GMDS: variants seen among roughly 807,000 people sequenced by gnomAD.
GMDS encodes the protein GDP-mannose 4,6-dehydratase.
A neutral mutation model predicts 49.9 loss-of-function variants in GMDS; 20 were observed. That is an observed-to-expected ratio of 0.40 (90% CI 0.28 to 0.58). GMDS has a LOEUF of 0.58. Among genes scored for constraint, GMDS ranks in the 20% least tolerant of loss-of-function variants. The probability of loss-of-function intolerance (pLI) is 0.42; values close to 1 mark genes in which losing one functional copy is unlikely to be tolerated. For missense variants in GMDS, 362 were observed against 481.4 expected, an observed-to-expected ratio of 0.75 and a Z score of 2.32; for synonymous variants, 177 against 178.6, an observed-to-expected ratio of 0.99 and a Z score of 0.07.
chr6:1,904,472 C>A (rs1760656163), intron 7 of GMDS, among the ~76,000 whole-genome samples: 3 of 152,178 alleles, frequency 2.0e-5, no homozygotes, highest in Admixed American at 6.5e-5. Context: ...TTCCTTTTTG[C>A]AGGCAGACAG....
intron 4 of GMDS, among the ~76,000 whole-genome samples, chr6:1,972,452 A>AG (rs1764677407): frequency 6.6e-6 from 1 of 152,168 alleles, no homozygotes; most frequent in Non-Finnish European, 1.5e-5. Flanking sequence ...TCTTTTCTAG[A>AG]GAAAAACTCA....
In GMDS at chr6:1,960,986, A is replaced by G. The variant is rs758026834; in HGVS notation, c.346-20T>C. On this transcript the variant is annotated intron_variant, in intron 4 of 10. Transcript: ENST00000380815. ...GGAAATCTGGAAAAAGCAGGCGGAG[A>G]CAGGGCTGCATTAATAGCTTCATAG... The G allele has an allele frequency of 6.7e-7, 1 of 1,496,962 alleles. No individual in the cohort carries two copies. Among genetic ancestry groups the G allele is most frequent in the Non-Finnish European group, 9.1e-7 (1 of 1,097,564 alleles). 92.7% of individuals were successfully genotyped at this position (1,496,962 alleles called of 1,614,324 possible).
intron 8 of GMDS, among the ~76,000 whole-genome samples, chr6:1,732,904 G>A (rs961807658): frequency 1.3e-5 from 2 of 152,202 alleles, no homozygotes; most frequent in African/African-American, 2.4e-5. Flanking sequence ...ACAAATGTGA[G>A]CTTTGTAAGT....
At chr6:2,163,399 CCAA>C in intron 1 of GMDS, among the ~76,000 whole-genome samples, 1 of 150,788 alleles carries the variant, frequency 6.6e-6, no homozygotes, top group South Asian at 2.1e-4. Flanking sequence ...GAAAACTGGA[CCAA>C]CAACATGTGT....
chr6:1,845,645 C>T (rs1007625242), intron 7 of GMDS, among the ~76,000 whole-genome samples: 7 of 152,136 alleles, frequency 4.6e-5, no homozygotes, highest in African/African-American at 1.7e-4. Context: ...ACAATTTTTC[C>T]ACGGACTGGG....
intron 1 of GMDS, among the ~76,000 whole-genome samples, chr6:2,189,616 C>A (rs1778927920): frequency 6.6e-6 from 1 of 152,184 alleles, no homozygotes; most frequent in East Asian, 1.9e-4. Flanking sequence ...ACTTCATAAT[C>A]TCCTGCCTTC....
intron 4 of GMDS, among the ~76,000 whole-genome samples, chr6:2,078,027 G>A (rs1341434605): frequency 6.6e-6 from 1 of 152,054 alleles, no homozygotes; most frequent in African/African-American, 2.4e-5. Flanking sequence ...TAGGTGTCCA[G>A]GAAATTATCC....
At chr6:1,805,702 TA>T (rs1770147473) in intron 7 of GMDS, among the ~76,000 whole-genome samples, 1 of 152,242 alleles carries the variant, frequency 6.6e-6, no homozygotes, top group South Asian at 2.1e-4. Flanking sequence ...AAAATACAGT[TA>T]TTTTTCATAA....
intron 4 of GMDS, among the ~76,000 whole-genome samples, chr6:2,099,990 T>A (rs78604203): frequency 0.019 from 2,902 of 152,082 alleles, 109 homozygotes; most frequent in African/African-American, 0.065. Flanking sequence ...TTGTAGGAGA[T>A]CTTGGAGAAC....
At chr6:2,095,702 T>G (rs1016014027) in intron 4 of GMDS, among the ~76,000 whole-genome samples, 1 of 152,214 alleles carries the variant, frequency 6.6e-6, no homozygotes, top group Non-Finnish European at 1.5e-5. Context: ...CTCTCTTTAA[T>G]ATACGGGAAT....
At chr6:2,203,858 C>G (rs1038821928) in intron 1 of GMDS, among the ~76,000 whole-genome samples, 5 of 152,064 alleles carry the variant, frequency 3.3e-5, no homozygotes, top group South Asian at 2.1e-4. Context: ...AATGATCACA[C>G]GATTTCACAT....
intron 1 of GMDS, among the ~76,000 whole-genome samples, chr6:2,229,624 G>A (rs542940229): frequency 8.5e-5 from 13 of 152,184 alleles, no homozygotes; most frequent in African/African-American, 2.6e-4. Flanking sequence ...CTGAGGTCAG[G>A]AATCAAACTC....
At chr6:1,773,224 G>A (rs1768653984) in intron 7 of GMDS, among the ~76,000 whole-genome samples, 2 of 146,242 alleles carry the variant, frequency 1.4e-5, no homozygotes, top group South Asian at 4.2e-4. Flanking sequence ...TTTAAGAGAA[G>A]TCTACTATTT....
chr6:2,167,618 T>C (rs972861127), intron 1 of GMDS, among the ~76,000 whole-genome samples: 4 of 152,206 alleles, frequency 2.6e-5, no homozygotes, highest in African/African-American at 4.8e-5. Context: ...TCTCTTGCCA[T>C]GCATCTTCCC....
chr6:2,016,784 C>G (rs887846201), intron 4 of GMDS, among the ~76,000 whole-genome samples: 3 of 151,956 alleles, frequency 2.0e-5, no homozygotes, highest in Non-Finnish European at 4.4e-5. Context: ...AGAAAATATG[C>G]AAATATTTAG....
chr6:1,963,948 A>C (rs544467751), intron 4 of GMDS, among the ~76,000 whole-genome samples: 1 of 152,332 alleles, frequency 6.6e-6, no homozygotes, highest in Non-Finnish European at 1.5e-5. Flanking sequence ...GGAGGTGCTA[A>C]AAGCCACACT....
intron 3 of GMDS, among the ~76,000 whole-genome samples, 185 bp from the exon 4 acceptor site, chr6:2,116,065 C>T (rs1774830941): frequency 6.6e-6 from 1 of 152,138 alleles, no homozygotes; most frequent in African/African-American, 2.4e-5. Flanking sequence ...AGAAAGATAG[C>T]TACATAATGC....
intron 7 of GMDS, among the ~76,000 whole-genome samples, chr6:1,907,768 G>T (rs9501783): frequency 0.011 from 1,609 of 152,212 alleles, 32 homozygotes; most frequent in African/African-American, 0.036. Flanking sequence ...GGGAATATAG[G>T]GTTATAAACA....
intron 4 of GMDS, among the ~76,000 whole-genome samples, chr6:1,999,427 T>C (rs1256761291): frequency 6.6e-6 from 1 of 151,936 alleles, no homozygotes; most frequent in African/African-American, 2.4e-5. Flanking sequence ...ATATAAGTTA[T>C]TTCTACAAAA....
Sources: gnomAD v4.1 joint callset for allele counts (sites outside exome capture counted in the v4.1 genomes callset) on GRCh38, gnomAD v4.1.1 for gene constraint, MANE v1.5 for transcripts, NCBI Gene and HGNC (gene_info 2026-07-23, HGNC 2026-07-21) for gene names.